Variants in FSTL5 observed in about 807,000 individuals in gnomAD.
The protein encoded by FSTL5 is follistatin-related protein 5.
FSTL5 carries 62 observed loss-of-function variants against 89.1 expected under a neutral mutation model. The ratio of observed to expected loss-of-function variants is 0.70; its 90% CI spans 0.57 to 0.86. FSTL5 has a LOEUF of 0.86. Ranked by LOEUF, FSTL5 falls within the 40% of genes least tolerant of loss-of-function variation. The pLI is 0.00. For missense variants in FSTL5, 1,057 were observed against 1,001.6 expected, an observed-to-expected ratio of 1.06 and a Z score of -0.75; for synonymous variants, 383 against 346.2, an observed-to-expected ratio of 1.11 and a Z score of -1.18.
At chr4:161,905,964 T>G (rs984330675) in intron 4 of FSTL5, among the ~76,000 whole-genome samples, 1 of 152,166 alleles carries the variant, frequency 6.6e-6, no homozygotes, top group Non-Finnish European at 1.5e-5. Context: ...GACATAAATT[T>G]TAGCACAGAA....
chr4:161,524,573 A>G (rs1476838259), intron 10 of FSTL5, among the ~76,000 whole-genome samples: 1 of 152,096 alleles, frequency 6.6e-6, no homozygotes, highest in Non-Finnish European at 1.5e-5. Flanking sequence ...GTCTTTCTTA[A>G]TCAGATTCTA....
intron 3 of FSTL5, among the ~76,000 whole-genome samples, chr4:161,933,789 T>G (rs1337481265): frequency 6.6e-6 from 1 of 151,982 alleles, no homozygotes; most frequent in Non-Finnish European, 1.5e-5. Flanking sequence ...TGTACAGTTA[T>G]CCCAATAAAA....
intron 1 of FSTL5, among the ~76,000 whole-genome samples, chr4:162,113,666 T>C (rs953851981): frequency 2.6e-5 from 4 of 152,212 alleles, no homozygotes; most frequent in African/African-American, 9.6e-5. Context: ...ATTCAGTTTT[T>C]TGAACTTATT....
At chr4:161,977,001 C>G (rs1735670115) in intron 3 of FSTL5, among the ~76,000 whole-genome samples, 1 of 152,036 alleles carries the variant, frequency 6.6e-6, no homozygotes, top group Non-Finnish European at 1.5e-5. Flanking sequence ...TTCATTTTAT[C>G]CATTCAGATA....
chr4:161,832,107 G>T (rs937478063), intron 4 of FSTL5, among the ~76,000 whole-genome samples: 2 of 151,978 alleles, frequency 1.3e-5, no homozygotes, highest in Non-Finnish European at 2.9e-5. Flanking sequence ...CCTACAGCAT[G>T]GTAAATGTTA....
intron 3 of FSTL5, among the ~76,000 whole-genome samples, chr4:162,015,476 G>A (rs1056626732): frequency 2.6e-5 from 4 of 152,110 alleles, no homozygotes; most frequent in Non-Finnish European, 5.9e-5. Flanking sequence ...GTATGCCCCA[G>A]TAACGTGCCA....
At chr4:161,524,582 T>G (rs1019360872) in intron 10 of FSTL5, among the ~76,000 whole-genome samples, 1 of 152,224 alleles carries the variant, frequency 6.6e-6, no homozygotes, top group Non-Finnish European at 1.5e-5. Flanking sequence ...AATCAGATTC[T>G]ACGTCACAAT....
chr4:161,974,869 T>C (rs1436237672), intron 3 of FSTL5, among the ~76,000 whole-genome samples: 2 of 152,060 alleles, frequency 1.3e-5, no homozygotes, highest in South Asian at 2.1e-4. Flanking sequence ...AAAGGGCTAA[T>C]AGCCAAAATC....
chr4:162,130,549 T>C (rs77079441), intron 1 of FSTL5, among the ~76,000 whole-genome samples: 7,454 of 152,290 alleles, frequency 0.049, 369 homozygotes, highest in African/African-American at 0.12. Context: ...TCCTAGTTTT[T>C]TGTGTTTATA....
intron 3 of FSTL5, among the ~76,000 whole-genome samples, chr4:161,937,074 A>T (rs941084803): frequency 6.6e-6 from 1 of 152,140 alleles, no homozygotes; most frequent in Non-Finnish European, 1.5e-5. Flanking sequence ...TCTAACATGA[A>T]AGATAAGACC....
intron 3 of FSTL5, chr4:162,032,576 A>T (rs2111194639): frequency 6.6e-6 from 1 of 152,282 alleles, no homozygotes; most frequent in African/African-American, 2.4e-5. Context: ...TTTATTCTTC[A>T]GCAATATAGA....
At chr4:162,033,766 C>T (rs1052305955) in intron 2 of FSTL5, 108 bp from the exon 3 acceptor site, 4 of 609,914 alleles carry the variant, frequency 6.6e-6, no homozygotes, top group Admixed American at 7.3e-5. Context: ...GTACATATTC[C>T]CAGGAACATG....
chr4:161,771,014 A>C (rs1741190192), intron 5 of FSTL5, among the ~76,000 whole-genome samples: 1 of 151,996 alleles, frequency 6.6e-6, no homozygotes, highest in African/African-American at 2.4e-5. Flanking sequence ...TTATTTTTCT[A>C]ATTTCTTGAA....
At position 162,093,997 on chromosome 4, in the gene FSTL5, A is replaced by G. The variant is rs187495084; in HGVS notation, c.126+17274T>C. 1.7e-3 allele frequency among the ~76,000 whole-genome samples: 266 copies of G among 152,330 alleles called. 1 individual carries two copies. The highest frequency in any genetic ancestry group is 5.9e-3 in the African/African-American group (244 of 41,582). ...CACATCTCATCGTTTCTAGGTAGAC[A>G]AAATAAAGCTAAAATTAAAATAATT... On this transcript the variant is annotated intron_variant, in intron 2 of 15. Coordinates refer to ENST00000306100, the MANE Select transcript of FSTL5 (RefSeq NM_020116.5).
At chr4:162,076,814 G>A (rs1001601825) in intron 2 of FSTL5, among the ~76,000 whole-genome samples, 9 of 151,788 alleles carry the variant, frequency 5.9e-5, no homozygotes, top group Admixed American at 2.0e-4. Context: ...TCTCAGACAC[G>A]GGGCTGATGT....
chr4:162,026,704 T>C (rs1225173054), intron 3 of FSTL5, among the ~76,000 whole-genome samples: 1 of 152,152 alleles, frequency 6.6e-6, no homozygotes, highest in Non-Finnish European at 1.5e-5. Context: ...GCGATGTTAG[T>C]GTGTAGGTTA....
chr4:161,776,083 A>C lies in FSTL5; in HGVS notation c.410-9T>G, dbSNP rs377502812. On this transcript the variant is annotated splice_polypyrimidine_tract_variant and intron_variant, in intron 4 of 15. Transcript: ENST00000306100. The stretch of plus-strand genomic sequence containing the variant: ...AGTCTTGCACTTATCTCCTGTAACA[A>C]AAGAACTAGTTATTTTCAAGCAATA... The C allele has an allele frequency of 5.6e-5, 77 of 1,365,668 alleles. No individual in the cohort carries two copies. Among genetic ancestry groups the C allele is most frequent in the Admixed American group, 1.5e-4 (6 of 40,194 alleles). The allele number at this position is 1,365,668 out of a possible 1,614,324, so 84.6% of individuals were successfully genotyped here. A position where few individuals can be genotyped will look rare whatever the true frequency, so the allele number is the denominator to read the frequency against.
At chr4:162,078,195 T>C (rs78768459) in intron 2 of FSTL5, among the ~76,000 whole-genome samples, 13,981 of 151,906 alleles carry the variant, frequency 0.092, 768 homozygotes, top group Non-Finnish European at 0.12. Context: ...ACCTTTCCTG[T>C]TGGCAACATT....
chr4:161,636,498 C>A (rs1158458399), intron 7 of FSTL5, among the ~76,000 whole-genome samples: 1 of 129,616 alleles, frequency 7.7e-6, no homozygotes, highest in African/African-American at 2.9e-5. Flanking sequence ...TTTTAGGGTA[C>A]ATGTGCACAT....
Sources: gnomAD v4.1 joint callset for allele counts (sites outside exome capture counted in the v4.1 genomes callset) on GRCh38, gnomAD v4.1.1 for gene constraint, MANE v1.5 for transcripts, NCBI Gene and HGNC (gene_info 2026-07-23, HGNC 2026-07-21) for gene names.